SNURF: variants seen among roughly 807,000 people sequenced by gnomAD.
SNURF encodes SNRPN upstream open reading frame.
Under a neutral mutation model 11.6 loss-of-function variants are expected in SNURF, and 6 were observed. The observed-to-expected ratio is 0.52, with a 90% CI of 0.28 to 1.02. The LOEUF (loss-of-function observed/expected upper bound fraction) is 1.02. Ranked by LOEUF, SNURF falls within the 50% of genes least tolerant of loss-of-function variation. The pLI, the probability that SNURF is intolerant of heterozygous loss-of-function variation, is 0.09. For synonymous variants in SNURF, 29 were observed against 31.6 expected, an observed-to-expected ratio of 0.92 and a Z score of 0.27; for missense variants, 84 against 88.4, an observed-to-expected ratio of 0.95 and a Z score of 0.20.
chr15:24,973,815 G>A (rs2076753540), downstream of SNURF, among the ~76,000 whole-genome samples: 1 of 152,124 alleles, frequency 6.6e-6, no homozygotes, highest in Admixed American at 6.6e-5. Flanking sequence ...GAAGTCTTAG[G>A]CAGGTTTATA....
exon 3 of SNURF, chr15:24,968,173 T>G: frequency 1.2e-6 from 1 of 807,492 alleles, no homozygotes; most frequent in South Asian, 1.5e-5. Context: ...CACATTAATT[T>G]TTTTCCTTAG....
At chr15:24,955,013 C>T (rs1025679248) in exon 1 of SNURF, 3 of 1,612,018 alleles carry the variant, frequency 1.9e-6, no homozygotes, top group Middle Eastern at 2.0e-4. Context: ...GCCGGAGATG[C>T]CTGACGCATC....
rs1416559207 is a variant in SNURF at position 24,967,796 on chromosome 15, A to T, written c.111-136A>T. The T allele has an allele frequency of 4.0e-6, 3 of 755,526 alleles. No individual in the cohort carries two copies. The East Asian group carries it at 8.7e-5, about 22-fold the overall frequency. The allele number at this position is 755,526 out of a possible 1,614,324, so 46.8% of individuals were successfully genotyped here. A position where few individuals can be genotyped will look rare whatever the true frequency, so the allele number is the denominator to read the frequency against. ...GCACTCCAGCCTGGGCAACAGAATG[A>T]GACCCTGTCTGGAAAAAAAAAAAAA... On this transcript the variant is annotated intron_variant, in intron 2 of 2. Coordinates refer to ENST00000577949, the Ensembl canonical transcript of SNURF.
intron 1 of SNURF, among the ~76,000 whole-genome samples, chr15:24,958,520 T>C (rs430743): frequency 8.3e-6 from 1 of 120,714 alleles, no homozygotes; most frequent in Admixed American, 9.7e-5. Context: ...TTTTTTTTTT[T>C]AAATAGACCA....
intron 1 of SNURF, among the ~76,000 whole-genome samples, chr15:24,959,811 A>G (rs926052039): frequency 2.0e-5 from 3 of 152,228 alleles, no homozygotes; most frequent in Non-Finnish European, 2.9e-5. Context: ...CTCTTTGGCT[A>G]TTATGAATAA....
chr15:24,961,541 G>C (rs545714929), intron 1 of SNURF, among the ~76,000 whole-genome samples: 10 of 152,212 alleles, frequency 6.6e-5, no homozygotes, highest in South Asian at 4.2e-4. Context: ...GACGTAACAT[G>C]GCGGGTTTTT....
At chr15:24,978,168 T>G (rs200605556), downstream of SNURF, 4 of 1,606,732 alleles carry the variant, frequency 2.5e-6, no homozygotes, top group African/African-American at 4.0e-5. Flanking sequence ...TATGAGGCCT[T>G]TATTTCTACC....
At chr15:24,976,525 T>C (rs2077077929) in intron 5 of SNURF, 1 of 809,326 alleles carries the variant, frequency 1.2e-6, no homozygotes, top group Middle Eastern at 2.5e-4. Context: ...GATTGTCAAA[T>C]AAAATGTGCC....
chr15:24,971,393 G>A (rs1397375579), downstream of SNURF, among the ~76,000 whole-genome samples: 2 of 152,132 alleles, frequency 1.3e-5, no homozygotes, highest in Non-Finnish European at 2.9e-5. Flanking sequence ...TGACTACATT[G>A]TATCACATTT....
chr15:24,972,246 ACT>A (rs1224000624), downstream of SNURF, among the ~76,000 whole-genome samples: 1 of 136,482 alleles, frequency 7.3e-6, no homozygotes, highest in East Asian at 2.2e-4. Flanking sequence ...ACAGAGTGAG[ACT>A]CTGTCTCAAA....
At chr15:24,968,050 G>A (rs2075905621) in exon 3 of SNURF, 2 of 1,611,474 alleles carry the variant, frequency 1.2e-6, no homozygotes, top group African/African-American at 1.3e-5. Flanking sequence ...CCATATTGGA[G>A]TAGCGAGGAA....
At chr15:24,974,298 C>A in intron 3 of SNURF, 1 of 690,490 alleles carries the variant, frequency 1.4e-6, no homozygotes. Context: ...CTTTAACATG[C>A]TTTCCTCTGC....
At chr15:24,967,853 T>A in intron 2 of SNURF, 79 bp from the exon 3 acceptor site, 1 of 1,077,102 alleles carries the variant, frequency 9.3e-7, no homozygotes, top group Non-Finnish European at 1.4e-6. Flanking sequence ...AATGTAAGGG[T>A]ACCTAGTTTT....
At chr15:24,955,323 G>A (rs1384715565) in intron 1 of SNURF, among the ~76,000 whole-genome samples, 1 of 152,008 alleles carries the variant, frequency 6.6e-6, no homozygotes, top group Admixed American at 6.5e-5. Context: ...TCCTATTGCG[G>A]GTGTCTGCGG....
chr15:24,956,121 T>C (rs945256805), intron 1 of SNURF, among the ~76,000 whole-genome samples: 3 of 152,160 alleles, frequency 2.0e-5, no homozygotes, highest in Non-Finnish European at 2.9e-5. Context: ...CTTTAGAGGC[T>C]ATGGCATAAG....
At chr15:24,973,010 C>A (rs1000414212), downstream of SNURF, among the ~76,000 whole-genome samples, 4 of 152,092 alleles carry the variant, frequency 2.6e-5, no homozygotes, top group Admixed American at 6.5e-5. Context: ...GCCTCAGCCT[C>A]CTGAGTAGCT....
At chr15:24,956,094 C>A (rs1237711513) in intron 1 of SNURF, among the ~76,000 whole-genome samples, 1 of 152,082 alleles carries the variant, frequency 6.6e-6, no homozygotes, top group Non-Finnish European at 1.5e-5. Flanking sequence ...TCCTTGCGTA[C>A]CCTTTAGGAA....
At chr15:24,956,706 G>A (rs961782666) in intron 1 of SNURF, among the ~76,000 whole-genome samples, 3 of 152,214 alleles carry the variant, frequency 2.0e-5, no homozygotes, top group African/African-American at 7.2e-5. Context: ...GTAGAGGGGG[G>A]AGGAGGGAGA....
intron 2 of SNURF, among the ~76,000 whole-genome samples, chr15:24,963,721 C>A (rs1401974673): frequency 6.6e-6 from 1 of 151,382 alleles, no homozygotes; most frequent in African/African-American, 2.4e-5. Flanking sequence ...GTTTGTGTGT[C>A]TTTTGTTATT....
Sources: gnomAD v4.1 joint callset for allele counts (sites outside exome capture counted in the v4.1 genomes callset) on GRCh38, gnomAD v4.1.1 for gene constraint, MANE v1.5 for transcripts, NCBI Gene and HGNC (gene_info 2026-07-23, HGNC 2026-07-21) for gene names.